Variants in SLTM observed in about 807,000 individuals in gnomAD.
SLTM encodes SAFB like transcription modulator.
SLTM carries 43 observed loss-of-function variants against 134.6 expected under a neutral mutation model. That is an observed-to-expected ratio of 0.32 (90% CI 0.25 to 0.41). The LOEUF (loss-of-function observed/expected upper bound fraction) is 0.41, where lower values mean the gene tolerates loss of function less well. Ranked by LOEUF, SLTM falls within the 10% of genes least tolerant of loss-of-function variation. SLTM has a pLI of 1.00. For synonymous variants in SLTM, 424 were observed against 432.3 expected (o/e 0.98, Z 0.24); for missense variants, 1,055 against 1,288.8 (o/e 0.82, Z 2.78).
intron 2 of SLTM, among the ~76,000 whole-genome samples, chr15:58,922,478 C>T (rs2414614): frequency 0.95 from 136,653 of 143,326 alleles, 65,447 homozygotes; most frequent in Non-Finnish European, 1. Context: ...ATGTATAGTA[C>T]ATAATATACA....
At chr15:58,894,705 GTTTTTT>G in intron 9 of SLTM, 123 bp from the exon 10 acceptor site, 1 of 517,566 alleles carries the variant, frequency 1.9e-6, no homozygotes, top group South Asian at 2.3e-5. Flanking sequence ...TCTGTCTCAT[GTTTTTT>G]TTTTTTTTTT....
intron 9 of SLTM, among the ~76,000 whole-genome samples, 176 bp from the exon 10 acceptor site, chr15:58,894,758 G>A (rs1419317625): frequency 6.9e-6 from 1 of 145,042 alleles, no homozygotes; most frequent in Non-Finnish European, 1.5e-5. Context: ...AGGCTGGAGT[G>A]CAGTGGTGTG....
intron 14 of SLTM, among the ~76,000 whole-genome samples, chr15:58,890,950 G>A (rs2034601071): frequency 6.6e-6 from 1 of 152,166 alleles, no homozygotes; most frequent in Non-Finnish European, 1.5e-5. Flanking sequence ...ACAAAATGGT[G>A]TCCTTAAGGG....
chr15:58,933,074 C>T (rs1357337567), intron 1 of SLTM, among the ~76,000 whole-genome samples: 2 of 152,160 alleles, frequency 1.3e-5, no homozygotes, highest in African/African-American at 4.8e-5. Flanking sequence ...GGGGAGCCAG[C>T]GCCTCCCAGG....
chr15:58,898,822 T>C lies in SLTM; in HGVS notation c.1089A>G (p.Thr363=). Residue 363 remains threonine, a synonymous_variant, in exon 8 of 21, where the codon ACA becomes ACG. Transcript: ENST00000380516. Reference sequence around the variant, plus strand: ...CTTTACCTTTGTCATCTTTAGATGATGTCTTGCTGTCTTTAGATTCCTTTG... The same window carrying C: ...CTTTACCTTTGTCATCTTTAGATGACGTCTTGCTGTCTTTAGATTCCTTTG... ...SSSKESKDSK[T]SSKDDKGSTS... 1 of 1,608,396 alleles carries C rather than the reference T, an allele frequency of 6.2e-7. No individual in the cohort carries two copies. The highest frequency in any genetic ancestry group is 8.5e-7 in the Non-Finnish European group (1 of 1,177,710).
At chr15:58,881,669 G>A (rs956489652) in intron 20 of SLTM, among the ~76,000 whole-genome samples, 1 of 152,174 alleles carries the variant, frequency 6.6e-6, no homozygotes, top group Non-Finnish European at 1.5e-5. Context: ...AATAAAATGG[G>A]AGTTTCAACA....
chr15:58,901,737 CCAAA>C (rs2035502691), intron 5 of SLTM, among the ~76,000 whole-genome samples: 1 of 152,054 alleles, frequency 6.6e-6, no homozygotes, highest in African/African-American at 2.4e-5. Flanking sequence ...CAGTAATAAA[CCAAA>C]CAAACAAACA....
At chr15:58,908,044 CATA>C (rs1172575819) in intron 5 of SLTM, among the ~76,000 whole-genome samples, 6 of 78,604 alleles carry the variant, frequency 7.6e-5, no homozygotes, top group Admixed American at 1.5e-4. Flanking sequence ...TGTACATATA[CATA>C]ATTTCTTTTT....
At chr15:58,928,308 C>G (rs2037625528) in intron 2 of SLTM, among the ~76,000 whole-genome samples, 1 of 152,174 alleles carries the variant, frequency 6.6e-6, no homozygotes, top group Non-Finnish European at 1.5e-5. Context: ...GAAGTTAGCT[C>G]TACCTGTTTA....
At chr15:58,891,566 A>G (rs772927609) in intron 14 of SLTM, among the ~76,000 whole-genome samples, 1 of 152,210 alleles carries the variant, frequency 6.6e-6, no homozygotes, top group Non-Finnish European at 1.5e-5. Flanking sequence ...TAATGTCAAC[A>G]CTACTTCTGG....
At chr15:58,927,515 C>G (rs554166082) in intron 2 of SLTM, among the ~76,000 whole-genome samples, 1 of 152,338 alleles carries the variant, frequency 6.6e-6, no homozygotes, top group African/African-American at 2.4e-5. Flanking sequence ...AGGTGATCCG[C>G]CCACCTCAGC....
Position 58,920,097 on chromosome 15 carries a change from C to G in SLTM, c.251-3098G>C, listed in dbSNP as rs375187285. Among the ~76,000 whole-genome samples the G allele has an allele frequency of 4.0e-5, 6 of 151,806 alleles. No individual in the cohort carries two copies. The East Asian group carries it at 5.8e-4, about 15-fold the overall frequency. On this transcript the variant is annotated intron_variant, in intron 2 of 20. Coordinates refer to ENST00000380516, the MANE Select transcript of SLTM (RefSeq NM_024755.4). ...TTGGGAGGCCAAGGAGGGCAGATTG[C>G]TTGAAGCCCGGAGTTTGAGAGCAGC...
At position 58,899,369 on chromosome 15, in the gene SLTM, T is replaced by C. The variant is rs1427653350; in HGVS notation, c.1058+100A>G. On this transcript the variant is annotated intron_variant, in intron 7 of 20. Transcript: ENST00000380516. The surrounding 1 kb of genome is among the most constrained non-coding windows in gnomAD (Gnocchi z 5.0). ...TATTATAGGCAGGATCATAAGACAC[T>C]AATTACTGTACATGTTCTTGAAGCC... is the stretch of plus-strand genomic sequence containing the variant. 1.1e-6 allele frequency: 1 copy of C among 912,504 alleles called. No individual in the cohort carries two copies. The highest frequency in any genetic ancestry group is 1.6e-5 in the South Asian group (1 of 64,192). The allele number at this position is 912,504 out of a possible 1,614,324, so 56.5% of individuals were successfully genotyped here.
At chr15:58,890,989 T>G (rs369008626) in intron 14 of SLTM, among the ~76,000 whole-genome samples, 59 of 152,346 alleles carry the variant, frequency 3.9e-4, no homozygotes, top group African/African-American at 1.2e-3. Context: ...TATCCTATAA[T>G]AGATGGCTCC....
intron 14 of SLTM, among the ~76,000 whole-genome samples, chr15:58,892,091 G>T (rs192204164): frequency 6.6e-6 from 1 of 152,304 alleles, no homozygotes; most frequent in African/African-American, 2.4e-5. Context: ...GTTGCTAAAA[G>T]TATCTCTGGT....
intron 2 of SLTM, among the ~76,000 whole-genome samples, chr15:58,923,978 C>G (rs2037286820): frequency 6.6e-6 from 1 of 151,902 alleles, no homozygotes; most frequent in Admixed American, 6.6e-5. Context: ...CCACACCCAG[C>G]TAATTTTTGT....
rs1051972005 is a variant in SLTM at position 58,888,478 on chromosome 15, T to C, written c.2282A>G (p.Tyr761Cys). 2 of 1,614,016 alleles carry C rather than the reference T, an allele frequency of 1.2e-6. No individual in the cohort carries two copies. Among genetic ancestry groups the C allele is most frequent in the Non-Finnish European group, 1.7e-6 (2 of 1,179,970 alleles). Reference sequence around the variant, plus strand: ...ATTAAATCTGTTCTGTTGGCGAGAGTAGTCGGATCCATGGCCAAATCGTGC... The same window carrying C: ...ATTAAATCTGTTCTGTTGGCGAGAGCAGTCGGATCCATGGCCAAATCGTGC... Reference protein sequence around the residue: ...TDARFGHGSDYSRQQNRFNDF... With the variant: ...TDARFGHGSDCSRQQNRFNDF... Residue 761 changes from tyrosine to cysteine, a missense_variant, in exon 17 of 21, where the codon TAC becomes TGC. By Grantham distance (194) the Tyr-to-Cys change is radical. Transcript: ENST00000380516.
intron 8 of SLTM, chr15:58,897,440 G>A (rs1198307823): frequency 8.6e-6 from 4 of 467,276 alleles, no homozygotes; most frequent in Non-Finnish European, 1.5e-5. Context: ...CCTATTGTAT[G>A]AGTTCTAAGT....
In SLTM at chr15:58,897,299, G is replaced by GCC. The variant is rs1457687242; in HGVS notation, c.1109-68_1109-67dup. The GCC allele has an allele frequency of 9.6e-5, 84 of 872,518 alleles. 2 individuals carry two copies. Among genetic ancestry groups the GCC allele is most frequent in the South Asian group, 9.4e-4 (60 of 63,678 alleles). The allele number at this position is 872,518 out of a possible 1,614,324, so 54.0% of individuals were successfully genotyped here. ...AGAATCTTTATACAAAACTATAAGG[G>GCC]CCACATTCTTTCAAAACTATAATTT... On this transcript the variant is annotated intron_variant, in intron 8 of 20. Transcript: ENST00000380516.
Sources: allele counts gnomAD v4.1 joint callset (sites outside exome capture counted in the v4.1 genomes callset), GRCh38; gene constraint gnomAD v4.1.1; non-coding constraint Gnocchi (gnomAD v3.1); transcripts MANE v1.5; gene names NCBI Gene and HGNC (gene_info 2026-07-23, HGNC 2026-07-21).